NALF1: variants seen among roughly 807,000 people sequenced by gnomAD.
NALF1 encodes NALCN channel auxiliary factor 1, also known as family with sequence similarity 155 member A.
NALF1 carries 3 observed loss-of-function variants against 48.4 expected under a neutral mutation model. That is an observed-to-expected ratio of 0.06 (90% CI 0.03 to 0.16). NALF1 has a LOEUF of 0.16. Among genes scored for constraint, NALF1 ranks in the 10% least tolerant of loss-of-function variants. The pLI, the probability that NALF1 is intolerant of heterozygous loss-of-function variation, is 1.00. For missense variants in NALF1, 526 were observed against 571.5 expected (o/e 0.92, Z 0.81); for synonymous variants, 262 against 245.7 (o/e 1.07, Z -0.62).
At chr13:107,268,995 T>C (rs1276842983) in intron 1 of NALF1, among the ~76,000 whole-genome samples, 2 of 151,772 alleles carry the variant, frequency 1.3e-5, no homozygotes, top group Non-Finnish European at 2.9e-5. Context: ...AGAGTGAAAA[T>C]TGGATTCGAA....
intron 1 of NALF1, among the ~76,000 whole-genome samples, chr13:107,426,546 TA>T (rs1884284450): frequency 1.3e-5 from 2 of 152,132 alleles, no homozygotes; most frequent in Admixed American, 6.6e-5. Context: ...TTGGGTTAAT[TA>T]TTTTTTACCA....
chr13:107,191,506 T>A (rs1281073102), intron 2 of NALF1, among the ~76,000 whole-genome samples: 6 of 152,114 alleles, frequency 3.9e-5, no homozygotes, highest in Non-Finnish European at 8.8e-5. Flanking sequence ...AGAAAATTTT[T>A]AAAAAATGTA....
chr13:107,412,921 T>C (rs1255613761), intron 1 of NALF1, among the ~76,000 whole-genome samples: 1 of 152,104 alleles, frequency 6.6e-6, no homozygotes, highest in Non-Finnish European at 1.5e-5. Flanking sequence ...TTTGTGGAGG[T>C]AGAGTATTGC....
intron 1 of NALF1, among the ~76,000 whole-genome samples, chr13:107,555,097 A>G (rs1428728068): frequency 6.6e-6 from 1 of 152,146 alleles, no homozygotes; most frequent in Non-Finnish European, 1.5e-5. Context: ...TTAAATTGGC[A>G]GCAAACAAAA....
chr13:107,704,758 T>C (rs1022314964), intron 1 of NALF1, among the ~76,000 whole-genome samples: 1 of 152,146 alleles, frequency 6.6e-6, no homozygotes, highest in African/African-American at 2.4e-5. Context: ...ATATGATATA[T>C]TCATCATGTT....
chr13:107,716,824 A>G (rs1875838937), intron 1 of NALF1, among the ~76,000 whole-genome samples: 1 of 151,886 alleles, frequency 6.6e-6, no homozygotes, highest in South Asian at 2.1e-4. Context: ...CGGCAGTGGT[A>G]GAGGAGTGGA....
Position 107,814,913 on chromosome 13 carries a change from A to T in NALF1, c.915+50769T>A, listed in dbSNP as rs371932237. ...GTGCACATGGAAATCTCCAGGATAC[A>T]TCATGTCTTGTGGCATAAAACAGAA... is the stretch of plus-strand genomic sequence containing the variant. On this transcript the variant is annotated intron_variant, in intron 1 of 2. Coordinates refer to ENST00000375915, the MANE Select transcript of NALF1 (RefSeq NM_001080396.3). 9.8e-5 allele frequency among the ~76,000 whole-genome samples: 15 copies of T among 152,286 alleles called. No homozygotes were observed. In the East Asian group the frequency reaches 2.7e-3, roughly 27 times the overall value.
At chr13:107,266,389 C>T (rs1313370763) in intron 1 of NALF1, among the ~76,000 whole-genome samples, 1 of 152,084 alleles carries the variant, frequency 6.6e-6, no homozygotes, top group African/African-American at 2.4e-5. Flanking sequence ...CTGTGTACAC[C>T]CCACCTGGAA....
At chr13:107,573,359 C>G (rs1253736519) in intron 1 of NALF1, among the ~76,000 whole-genome samples, 2 of 151,794 alleles carry the variant, frequency 1.3e-5, no homozygotes, top group Admixed American at 1.3e-4. Flanking sequence ...AGGTATAGAG[C>G]AGTAAAAACT....
At chr13:107,779,336 T>C (rs1877822160) in intron 1 of NALF1, among the ~76,000 whole-genome samples, 1 of 152,244 alleles carries the variant, frequency 6.6e-6, no homozygotes, top group Admixed American at 6.5e-5. Context: ...CATGACTACA[T>C]GTGGAAAGGC....
intron 1 of NALF1, among the ~76,000 whole-genome samples, chr13:107,639,447 T>C (rs967491371): frequency 4.6e-5 from 7 of 152,160 alleles, no homozygotes; most frequent in Non-Finnish European, 1.0e-4. Context: ...TCCTGGAGTG[T>C]CCTTGCACTT....
intron 2 of NALF1, among the ~76,000 whole-genome samples, chr13:107,176,661 AT>A (rs1319614832): frequency 2.0e-5 from 3 of 152,056 alleles, no homozygotes; most frequent in East Asian, 3.9e-4. Flanking sequence ...TTAAAAAAAA[AT>A]AATAATACGC....
chr13:107,288,280 C>T (rs1484633039), intron 1 of NALF1, among the ~76,000 whole-genome samples: 27 of 135,066 alleles, frequency 2.0e-4, no homozygotes, highest in African/African-American at 7.3e-4. Context: ...AGGGCAGTGG[C>T]GCGATCTCGG....
At position 107,411,264 on chromosome 13, in the gene NALF1, A is replaced by G. The variant is rs1261506826; in HGVS notation, c.916-200509T>C. Among the ~76,000 whole-genome samples the G allele has an allele frequency of 2.0e-5, 3 of 150,592 alleles. No individual in the cohort carries two copies. In the East Asian group the frequency reaches 5.8e-4, roughly 29 times the overall value. ...CTTCTCCTGGGAATGCCTTGTTGTA[A>G]TCCTGCCCACAGGCTGAAGGTGAAA... is the stretch of plus-strand genomic sequence containing the variant. On this transcript the variant is annotated intron_variant, in intron 1 of 2. Transcript: ENST00000375915.
chr13:107,813,436 T>C (rs1879059467), intron 1 of NALF1, among the ~76,000 whole-genome samples: 1 of 152,216 alleles, frequency 6.6e-6, no homozygotes. Flanking sequence ...TTTCATGTTG[T>C]AAAGCTCAAA....
chr13:107,736,211 ACACACACACACACGCG>A (rs1184527839), intron 1 of NALF1, among the ~76,000 whole-genome samples: 172 of 6,198 alleles, frequency 0.028, 1 homozygote, highest in Non-Finnish European at 0.089. Flanking sequence ...ACACACACAC[ACACACACACACACGCG>A]CGCGTGTACC....
chr13:107,400,800 G>C (rs1341845418), intron 1 of NALF1, among the ~76,000 whole-genome samples: 2 of 152,116 alleles, frequency 1.3e-5, no homozygotes, highest in African/African-American at 2.4e-5. Context: ...TGTGAATCTT[G>C]AAGAATATCC....
intron 1 of NALF1, among the ~76,000 whole-genome samples, chr13:107,503,716 C>G (rs1438360982): frequency 6.7e-6 from 1 of 148,626 alleles, no homozygotes; most frequent in Non-Finnish European, 1.5e-5. Context: ...CATCCGTGGG[C>G]AAATGAATAA....
At chr13:107,863,893 GTC>G (rs1880642714) in intron 1 of NALF1, among the ~76,000 whole-genome samples, 1 of 152,144 alleles carries the variant, frequency 6.6e-6, no homozygotes, top group Admixed American at 6.5e-5. Flanking sequence ...AATACAGACT[GTC>G]TTTTAAATAC....
Sources: allele counts gnomAD v4.1 joint callset (sites outside exome capture counted in the v4.1 genomes callset), GRCh38; gene constraint gnomAD v4.1.1; transcripts MANE v1.5; gene names NCBI Gene and HGNC (gene_info 2026-07-23, HGNC 2026-07-21).